Variants in FCRL5 observed in about 807,000 individuals in gnomAD.
The protein encoded by FCRL5 is Fc receptor like 5, also known as Fc receptor-like protein 5.
In FCRL5, 79 loss-of-function variants were observed where a neutral mutation model predicts 92.1. The ratio of observed to expected loss-of-function variants is 0.86; its 90% CI spans 0.72 to 1.03. The LOEUF (loss-of-function observed/expected upper bound fraction) is 1.03. Among genes scored for constraint, FCRL5 ranks in the 50% least tolerant of loss-of-function variants. The pLI, the probability that FCRL5 is intolerant of heterozygous loss-of-function variation, is 0.00. For missense variants in FCRL5, 1,160 were observed against 1,181.1 expected (o/e 0.98, Z 0.26); for synonymous variants, 466 against 469.3 (o/e 0.99, Z 0.09).
chr1:157,524,604 A>C lies in FCRL5; in HGVS notation c.1961-47T>G. ...GTATCAGCTGCTTCTGCTAAAATAT[A>C]TTCCTTCATGCTAAAGACATTTCAA... On this transcript the variant is annotated intron_variant, in intron 9 of 16. Coordinates refer to ENST00000361835, the MANE Select transcript of FCRL5 (RefSeq NM_031281.3). The C allele has an allele frequency of 2.0e-6, 3 of 1,517,922 alleles. 1 individual carries two copies. The highest frequency in any genetic ancestry group is 8.9e-7 in the Non-Finnish European group (1 of 1,129,688). The allele number at this position is 1,517,922 out of a possible 1,614,324, so 94.0% of individuals were successfully genotyped here. A position where few individuals can be genotyped will look rare whatever the true frequency, so the allele number is the denominator to read the frequency against.
intron 11 of FCRL5, among the ~76,000 whole-genome samples, chr1:157,520,755 C>T (rs1337070995): frequency 6.6e-6 from 1 of 152,202 alleles, no homozygotes; most frequent in Non-Finnish European, 1.5e-5. Flanking sequence ...GTCAGGGTGG[C>T]CGGTGGCCAG....
intron 8 of FCRL5, chr1:157,532,647 G>T (rs1374871426): frequency 2.6e-5 from 4 of 151,910 alleles, no homozygotes; most frequent in Admixed American, 2.6e-4. Flanking sequence ...TAAATCAGTG[G>T]TTTCCAATCT....
At chr1:157,541,050 G>A (rs1395541826) in intron 6 of FCRL5, among the ~76,000 whole-genome samples, 2 of 152,212 alleles carry the variant, frequency 1.3e-5, no homozygotes, top group African/African-American at 2.4e-5. Context: ...AGAGTACTTT[G>A]TGGCTAAATT....
In FCRL5 at chr1:157,515,692, A is replaced by T; in HGVS notation, c.2917T>A (p.Ser973Thr). The T allele has an allele frequency of 1.9e-6, 3 of 1,614,160 alleles. No homozygotes were observed. The highest frequency in any genetic ancestry group is 2.5e-6 in the Non-Finnish European group (3 of 1,180,034). The change falls in exon 17 of 17, where the codon TCA becomes ACA. Residue 973 changes from serine (S) to threonine (T), a missense_variant. Physicochemically the swap from Ser to Thr is moderately conservative, Grantham distance 58 (BLOSUM62 1). Transcript: ENST00000361835. ...PVSGSLFLAS[S>T]APHR Reference sequence around the variant, plus strand: ...GTGTGGACTCATCTGTGAGGAGCTGAGGAAGCCAAGAACAGGGATCCGGAA... The same window carrying T: ...GTGTGGACTCATCTGTGAGGAGCTGTGGAAGCCAAGAACAGGGATCCGGAA...
At chr1:157,539,065 T>C (rs754037747) in intron 7 of FCRL5, 21 bp downstream of exon 7, 5 of 1,607,486 alleles carry the variant, frequency 3.1e-6, no homozygotes, top group Non-Finnish European at 3.4e-6. Flanking sequence ...GGTGGGTGAT[T>C]GGCAGGAACC....
In FCRL5 at chr1:157,544,392, G is replaced by A. The variant is rs1224321277; in HGVS notation, c.714C>T (p.Gly238=). The change falls in exon 5 of 17, where the codon GGC becomes GGT. Residue 238 remains glycine, a synonymous_variant. Coordinates refer to ENST00000361835, the MANE Select transcript of FCRL5 (RefSeq NM_031281.3). ...TCTGGAAATTCGGGGAGAGACTCCAGCCTAATCCCAGGGTCTGGTCATCTC... is the reference window on the plus strand; with the variant it reads ...TCTGGAAATTCGGGGAGAGACTCCAACCTAATCCCAGGGTCTGGTCATCTC... ...FFRDDQTLGL[G]WSLSPNFQIT... 3.7e-6 allele frequency: 6 copies of A among 1,614,222 alleles called. No homozygotes were observed. Among genetic ancestry groups the A allele is most frequent in the African/African-American group, 1.3e-5 (1 of 75,058 alleles).
chr1:157,515,763 C>T lies in FCRL5; in HGVS notation c.2846G>A (p.Gly949Asp), dbSNP rs1222029491. 5 of 1,613,932 alleles carry T rather than the reference C, an allele frequency of 3.1e-6. No individual in the cohort carries two copies. The highest frequency in any genetic ancestry group is 1.7e-5 in the Admixed American group (1 of 60,026). Residue 949 changes from glycine (G) to aspartate (D), a missense_variant and splice_region_variant, in exon 17 of 17, where the codon GGT (glycine) becomes GAT (aspartate). Gly to Asp is a moderately conservative substitution (Grantham distance 94). Coordinates refer to ENST00000361835, the MANE Select transcript of FCRL5 (RefSeq NM_031281.3). ...AACTTCAGAGTAGATGATAGGGGAA[C>T]CCTAGGAGGCAAGAGCACATGCGTG... ...ASDPRHLRNK[G>D]SPIIYSEVKV...
chr1:157,518,825 A>G (rs1171958585), intron 13 of FCRL5, 43 bp from the exon 14 acceptor site: 3 of 1,529,650 alleles, frequency 2.0e-6, no homozygotes, highest in Admixed American at 1.8e-5. Flanking sequence ...GAATCCAGAC[A>G]AAGTAGCTAT....
In FCRL5 at chr1:157,514,129, G is replaced by A. The variant is rs192866629; in HGVS notation, c.*1546C>T. 24 of 140,814 alleles carry A rather than the reference G, an allele frequency of 1.7e-4. No homozygotes were observed. Among genetic ancestry groups the A allele is most frequent in the African/African-American group, 7.9e-4 (24 of 30,566 alleles). The allele number at this position is 140,814 out of a possible 1,614,324, so 8.7% of individuals were successfully genotyped here. A position where few individuals can be genotyped will look rare whatever the true frequency, so the allele number is the denominator to read the frequency against. ...ACACTTGGAAGCATGAAAAGCCATG[G>A]TTCAGGTGGAGTGAGCTTCCAATGC... On this transcript the variant is annotated 3_prime_UTR_variant, in exon 17 of 17. Coordinates refer to ENST00000361835, the MANE Select transcript of FCRL5 (RefSeq NM_031281.3).
At position 157,514,034 on chromosome 1, in the gene FCRL5, C is replaced by T. The variant is rs1273970459; in HGVS notation, c.*1641G>A. 1 of 152,276 alleles carries T rather than the reference C, an allele frequency of 6.6e-6. No homozygotes were observed. 9.4% of individuals were successfully genotyped at this position (152,276 alleles called of 1,614,324 possible). A position where few individuals can be genotyped will look rare whatever the true frequency, so the allele number is the denominator to read the frequency against. ...CTGGGCTGCATACAGGCTCCTGTCT[C>T]AGGTGTCTGGTTTCCTCCTTGAAAG... On this transcript the variant is annotated 3_prime_UTR_variant, in exon 17 of 17. Coordinates refer to ENST00000361835, the MANE Select transcript of FCRL5 (RefSeq NM_031281.3).
intron 6 of FCRL5, among the ~76,000 whole-genome samples, chr1:157,541,406 G>C (rs1478154009): frequency 6.6e-6 from 1 of 152,206 alleles, no homozygotes; most frequent in African/African-American, 2.4e-5. Flanking sequence ...TGCAAAATAT[G>C]GCCCAAGCCC....
intron 10 of FCRL5, 71 bp downstream of exon 10, chr1:157,524,208 C>T (rs1234464554): frequency 1.3e-6 from 2 of 1,557,208 alleles, no homozygotes; most frequent in Admixed American, 1.7e-5. Context: ...TCTGTGGCTC[C>T]ATTTTCAGCT....
At chr1:157,534,975 C>G (rs1650901390) in intron 7 of FCRL5, 83 bp from the exon 8 acceptor site, 1 of 1,340,922 alleles carries the variant, frequency 7.5e-7, no homozygotes, top group Non-Finnish European at 1.0e-6. Flanking sequence ...GATGCCCAGT[C>G]TCCAGTACAG....
chr1:157,533,465 C>T (rs962206783), intron 8 of FCRL5: 1 of 152,090 alleles, frequency 6.6e-6, no homozygotes, highest in Non-Finnish European at 1.5e-5. Context: ...TCTAAAATAG[C>T]TTTGTTTTTT....
chr1:157,531,173 A>C (rs1240051775), intron 8 of FCRL5, among the ~76,000 whole-genome samples: 2 of 152,234 alleles, frequency 1.3e-5, no homozygotes, highest in East Asian at 3.8e-4. Flanking sequence ...TTTAACAGAC[A>C]TTTCTCTAAA....
At chr1:157,542,765 G>GAA in intron 6 of FCRL5, 94 bp downstream of exon 6, 2 of 1,405,820 alleles carry the variant, frequency 1.4e-6, no homozygotes, top group African/African-American at 2.9e-5. Context: ...GAAAGAAACT[G>GAA]AGGATACTGG....
At position 157,519,745 on chromosome 1, in the gene FCRL5, G is replaced by A. The variant is rs3827757; in HGVS notation, c.2658C>T (p.Ala886=). Residue 886 remains alanine (A), a splice_region_variant and synonymous_variant, in exon 13 of 17, where the codon GCC becomes GCT. Coordinates refer to ENST00000361835, the MANE Select transcript of FCRL5 (RefSeq NM_031281.3). Reference sequence around the variant, plus strand: ...CAGGAATGCAGCTCAGCTCTTACCTGGCGGGGTCAGAGGCAGGCTTTCTCC... The same window carrying A: ...CAGGAATGCAGCTCAGCTCTTACCTAGCGGGGTCAGAGGCAGGCTTTCTCC... ...KAGRKPASDP[A]RSPSDSDSQE... 48,533 of 1,613,680 alleles carry A rather than the reference G, an allele frequency of 0.03. 4,761 individuals are homozygous for A. In the African/African-American group the frequency reaches 0.34, roughly 11 times the overall value.
chr1:157,527,013 T>C (rs1329567091), intron 9 of FCRL5, among the ~76,000 whole-genome samples: 1 of 152,138 alleles, frequency 6.6e-6, no homozygotes. Context: ...AGACTGAAAG[T>C]ACAGTGCCAA....
intron 7 of FCRL5, 46 bp downstream of exon 7, chr1:157,539,040 G>A (rs1271596297): frequency 6.3e-7 from 1 of 1,592,120 alleles, no homozygotes; most frequent in Non-Finnish European, 8.6e-7. Flanking sequence ...GGGTAAGAGA[G>A]GACTCTTGGC....
Sources: allele counts gnomAD v4.1 joint callset (sites outside exome capture counted in the v4.1 genomes callset), GRCh38; gene constraint gnomAD v4.1.1; transcripts MANE v1.5; gene names NCBI Gene and HGNC (gene_info 2026-07-23, HGNC 2026-07-21).